GTF2I: variants seen among roughly 807,000 people sequenced by gnomAD.
GTF2I encodes the protein general transcription factor II-I.
GTF2I carries 12 observed loss-of-function variants against 67.6 expected under a neutral mutation model. That is an observed-to-expected ratio of 0.18 (90% CI 0.11 to 0.29). GTF2I has a LOEUF of 0.29. Ranked by LOEUF, GTF2I falls within the 10% of genes least tolerant of loss-of-function variation. GTF2I has a pLI of 1.00. For synonymous variants in GTF2I, 149 were observed against 197.0 expected (o/e 0.76, Z 2.04); for missense variants, 271 against 580.1 (o/e 0.47, Z 5.47).
chr7:74,712,069 C>A (rs587767371), intron 9 of GTF2I, among the ~76,000 whole-genome samples: 1 of 151,762 alleles, frequency 6.6e-6, no homozygotes, highest in African/African-American at 2.4e-5. Context: ...TCTGCCTCAG[C>A]CTCCCGAATA....
rs143176121 is a variant in GTF2I, at chr7:74,694,107, T to C, written c.238+2996T>C. On this transcript the variant is annotated intron_variant, in intron 3 of 34. Coordinates refer to ENST00000573035, the MANE Select transcript of GTF2I (RefSeq NM_032999.4). ...GCAAATGATAAAGCAAAACAGCTTA[T>C]TGCTGATAGGAAGAAAGTTTGAATG... Among the ~76,000 whole-genome samples the C allele has an allele frequency of 7.0e-4, 107 of 152,308 alleles. No homozygotes were observed. The East Asian group carries it at 0.02, about 29-fold the overall frequency.
At position 74,708,058 on chromosome 7, in the gene GTF2I, G is replaced by C. The variant is rs887507831; in HGVS notation, c.685+1625G>C. ...CTCACACCTGTAATCCCAGCACTTT[G>C]GGAGGCTGAGGCGAGTGGATCACCT... On this transcript the variant is annotated intron_variant, in intron 8 of 34. Transcript: ENST00000573035. Among the ~76,000 whole-genome samples, 6 of 152,250 alleles carry C rather than the reference G, an allele frequency of 3.9e-5. No individual in the cohort carries two copies. The South Asian group carries it at 1.2e-3, about 32-fold the overall frequency.
Position 74,690,438 on chromosome 7 carries a change from C to T in GTF2I, c.100-535C>T, listed in dbSNP as rs946684812. Among the ~76,000 whole-genome samples, 14 of 152,260 alleles carry T rather than the reference C, an allele frequency of 9.2e-5. No individual in the cohort carries two copies. In the East Asian group the frequency reaches 2.7e-3, roughly 29 times the overall value. ...AGTAAAAGTCAGTAAATACTCTGCC[C>T]ACCTAAAAGTGATTCTGGCTGTGTG... On this transcript the variant is annotated intron_variant, in intron 2 of 34. Transcript: ENST00000573035.
intron 12 of GTF2I, among the ~76,000 whole-genome samples, chr7:74,721,624 A>T (rs1169336467): frequency 6.6e-6 from 1 of 152,052 alleles, no homozygotes; most frequent in Admixed American, 6.6e-5. Context: ...AACTGTCTCA[A>T]TATTAACAAG....
intron 1 of GTF2I, among the ~76,000 whole-genome samples, chr7:74,674,832 C>G (rs1192186410): frequency 6.6e-6 from 1 of 151,282 alleles, no homozygotes; most frequent in Non-Finnish European, 1.5e-5. Context: ...TGGGCATGAG[C>G]CACTATGCCC....
At chr7:74,682,269 GGTTA>G (rs1158195880) in intron 1 of GTF2I, among the ~76,000 whole-genome samples, 1 of 152,144 alleles carries the variant, frequency 6.6e-6, no homozygotes, top group East Asian at 1.9e-4. Context: ...GAGTTGGTGA[GGTTA>G]GTTATTCTTA....
intron 15 of GTF2I, 50 bp downstream of exon 15, chr7:74,732,712 C>G: frequency 6.6e-7 from 1 of 1,524,876 alleles, no homozygotes; most frequent in Non-Finnish European, 8.8e-7. Context: ...CTGAGTAATA[C>G]GTCTTTTTTA....
At chr7:74,683,191 T>G (rs587706014) in intron 1 of GTF2I, among the ~76,000 whole-genome samples, 17 of 152,218 alleles carry the variant, frequency 1.1e-4, no homozygotes, top group African/African-American at 4.1e-4. Context: ...AAATAAAATC[T>G]ACACCTAGAA....
At chr7:74,671,259 G>C (rs1389294170) in intron 1 of GTF2I, among the ~76,000 whole-genome samples, 6 of 151,560 alleles carry the variant, frequency 4.0e-5, no homozygotes, top group African/African-American at 1.5e-4. Flanking sequence ...GCTAATTTTT[G>C]TATTTTTGGT....
intron 15 of GTF2I, among the ~76,000 whole-genome samples, chr7:74,733,028 G>A (rs1379833346): frequency 1.1e-4 from 16 of 147,484 alleles, no homozygotes; most frequent in African/African-American, 2.3e-4. Flanking sequence ...GTGCAGTGTC[G>A]CAATCTCAGC....
chr7:74,732,115 A>G (rs1794538841), intron 14 of GTF2I, among the ~76,000 whole-genome samples: 1 of 147,790 alleles, frequency 6.8e-6, no homozygotes, highest in Non-Finnish European at 1.5e-5. Flanking sequence ...ATATACATAT[A>G]TATGTATATA....
At chr7:74,708,047 C>T (rs1244284460) in intron 8 of GTF2I, among the ~76,000 whole-genome samples, 2 of 152,088 alleles carry the variant, frequency 1.3e-5, no homozygotes, top group African/African-American at 4.8e-5. Context: ...CACCTGTAAT[C>T]CCAGCACTTT....
At chr7:74,684,694 G>T (rs587604179) in intron 1 of GTF2I, 1 of 152,266 alleles carries the variant, frequency 6.6e-6, no homozygotes, top group Non-Finnish European at 1.5e-5. Flanking sequence ...AGGCCCGTGG[G>T]TCGCCCTTGG....
intron 8 of GTF2I, among the ~76,000 whole-genome samples, chr7:74,709,674 C>T (rs889856815): frequency 1.3e-5 from 2 of 151,100 alleles, no homozygotes; most frequent in Non-Finnish European, 3.0e-5. Flanking sequence ...TTCTTTCTTT[C>T]TTTATTTTTT....
At chr7:74,704,288 A>ATTTATTTATTTG (rs1308681847) in intron 6 of GTF2I, among the ~76,000 whole-genome samples, 1 of 149,574 alleles carries the variant, frequency 6.7e-6, no homozygotes, top group African/African-American at 2.4e-5. Flanking sequence ...TTATTTATTT[A>ATTTATTTATTTG]TTTATTTTTT....
At chr7:74,733,082 T>C (rs1267854609) in intron 15 of GTF2I, among the ~76,000 whole-genome samples, 1 of 135,922 alleles carries the variant, frequency 7.4e-6, no homozygotes, top group Non-Finnish European at 1.6e-5. Flanking sequence ...TTCTCATGCC[T>C]CAGACTCCCG....
At chr7:74,676,809 A>T (rs2131239206) in intron 1 of GTF2I, among the ~76,000 whole-genome samples, 1 of 152,292 alleles carries the variant, frequency 6.6e-6, no homozygotes, top group Non-Finnish European at 1.5e-5. Context: ...TAATCCCAGC[A>T]CTTTAGGAGG....
intron 3 of GTF2I, among the ~76,000 whole-genome samples, chr7:74,697,267 C>A (rs1789018083): frequency 6.6e-6 from 1 of 151,798 alleles, no homozygotes; most frequent in Non-Finnish European, 1.5e-5. Context: ...TGGTGGCGCG[C>A]ACCTGTAATC....
At chr7:74,696,370 C>T (rs1788904677) in intron 3 of GTF2I, among the ~76,000 whole-genome samples, 1 of 147,644 alleles carries the variant, frequency 6.8e-6, no homozygotes, top group African/African-American at 2.5e-5. Flanking sequence ...CTCACTATCG[C>T]CCATGGAGTG....
Sources: gnomAD v4.1 joint callset for allele counts (sites outside exome capture counted in the v4.1 genomes callset) on GRCh38, gnomAD v4.1.1 for gene constraint, MANE v1.5 for transcripts, NCBI Gene and HGNC (gene_info 2026-07-23, HGNC 2026-07-21) for gene names.